Variants in PRDM2 observed in about 807,000 individuals in gnomAD.
The protein encoded by PRDM2 is PR domain zinc finger protein 2.
In PRDM2, 30 loss-of-function variants were observed where a neutral mutation model predicts 130.0. The ratio of observed to expected loss-of-function variants is 0.23; its 90% CI spans 0.17 to 0.31. The LOEUF (loss-of-function observed/expected upper bound fraction) is 0.31. PRDM2 is among the 10% of genes least tolerant of loss of function. The probability of loss-of-function intolerance (pLI) is 1.00; values close to 1 mark genes in which losing one functional copy is unlikely to be tolerated. For missense variants in PRDM2, 2,011 were observed against 2,108.4 expected, an observed-to-expected ratio of 0.95 and a Z score of 0.90; for synonymous variants, 871 against 782.4, an observed-to-expected ratio of 1.11 and a Z score of -1.89.
intron 6 of PRDM2, among the ~76,000 whole-genome samples, chr1:13,758,075 A>C (rs1644003218): frequency 2.0e-5 from 3 of 152,092 alleles, no homozygotes; most frequent in Non-Finnish European, 4.4e-5. Flanking sequence ...AAACTGCTTG[A>C]GTTTGTAGCC....
At chr1:13,818,607 G>A (rs1645297239) in intron 9 of PRDM2, among the ~76,000 whole-genome samples, 1 of 149,926 alleles carries the variant, frequency 6.7e-6, no homozygotes, top group African/African-American at 2.5e-5. Flanking sequence ...GGATGGTCTT[G>A]ATCTCCTGAC....
intron 1 of PRDM2, among the ~76,000 whole-genome samples, chr1:13,714,896 A>G (rs982951148): frequency 2.0e-5 from 3 of 152,238 alleles, no homozygotes; most frequent in African/African-American, 4.8e-5. Flanking sequence ...AGAGATTATT[A>G]TTTAGAAACA....
Position 13,803,273 on chromosome 1 carries a change from C to T in PRDM2, c.5037-13154C>T, listed in dbSNP as rs1645036654. ...TGGACAGGCACATTTCAGGGTTGAA[C>T]CGCACCAGGAGCCTGGCTTTGCCAT... On this transcript the variant is annotated intron_variant, in intron 8 of 9. Transcript: ENST00000311066. This position sits in a 1 kb window ranked among gnomAD's most constrained non-coding sequence, Gnocchi z 6.2. Among the ~76,000 whole-genome samples, 1 of 152,220 alleles carries T rather than the reference C, an allele frequency of 6.6e-6. No individual in the cohort carries two copies. Among genetic ancestry groups the T allele is most frequent in the South Asian group, 2.1e-4 (1 of 4,828 alleles).
chr1:13,748,736 G>A (rs1270058203), intron 5 of PRDM2, among the ~76,000 whole-genome samples: 1 of 152,170 alleles, frequency 6.6e-6, no homozygotes, highest in African/African-American at 2.4e-5. Context: ...GATACTTCCT[G>A]CTGTATTTAA....
chr1:13,793,322 G>A (rs965788424), intron 8 of PRDM2, among the ~76,000 whole-genome samples: 1 of 152,222 alleles, frequency 6.6e-6, no homozygotes, highest in Admixed American at 6.5e-5. Context: ...TGGCGCTGGT[G>A]ATGACAGTGG....
chr1:13,773,285 A>G (rs1644398125), intron 7 of PRDM2, 97 bp downstream of exon 7: 1 of 734,254 alleles, frequency 1.4e-6, no homozygotes, highest in East Asian at 3.3e-5. Context: ...AGAATCATTT[A>G]GGATCTTTAC....
chr1:13,767,497 G>T (rs1431519831), intron 6 of PRDM2, among the ~76,000 whole-genome samples: 3 of 150,768 alleles, frequency 2.0e-5, no homozygotes, highest in Non-Finnish European at 4.4e-5. Context: ...TAGATACGGG[G>T]GTCTCACTAT....
At chr1:13,727,565 T>G (rs1315087214) in intron 2 of PRDM2, among the ~76,000 whole-genome samples, 1 of 152,234 alleles carries the variant, frequency 6.6e-6, no homozygotes, top group African/African-American at 2.4e-5. Flanking sequence ...TTCCCCTCTT[T>G]TTTTTCATTC....
At chr1:13,800,612 C>T (rs766292602) in intron 8 of PRDM2, among the ~76,000 whole-genome samples, 1 of 152,142 alleles carries the variant, frequency 6.6e-6, no homozygotes, top group African/African-American at 2.4e-5. Flanking sequence ...GGGAGCCCAC[C>T]GGAGTTTTGG....
At position 13,782,056 on chromosome 1, in the gene PRDM2, G is replaced by T. The variant is rs1465017803; in HGVS notation, c.4261G>T (p.Ala1421Ser). Residue 1421 changes from alanine to serine, a missense_variant, in exon 8 of 10, where the codon GCA becomes TCA. This residue lies in a region of PRDM2 where 410 missense variants were observed against 395.9 expected (regional missense o/e 1.04). Coordinates refer to ENST00000311066, the MANE Select transcript of PRDM2 (RefSeq NM_001393986.1). The part of the protein sequence containing the change: ...KMSSNKLKLN[A>S]LKKKNQLVQK... ...GTCGTCGAATAAGCTCAAATTAAAT[G>T]CATTGAAGAAAAAAAATCAGCTAGT... 3.1e-6 allele frequency: 5 copies of T among 1,614,004 alleles called. No individual in the cohort carries two copies. The South Asian group carries it at 4.4e-5, about 14-fold the overall frequency.
rs776462292 is a variant in PRDM2, at chr1:13,780,683, C to T, written c.2888C>T (p.Pro963Leu). ...TPSLSSGQLP[P>L]LLIPTDPSSP... Reference sequence around the variant, plus strand: ...TCCCTTTCATCCGGTCAGCTGCCTCCTCTCTTGATCCCCACAGATCCCTCT... The same window carrying T: ...TCCCTTTCATCCGGTCAGCTGCCTCTTCTCTTGATCCCCACAGATCCCTCT... The change falls in exon 8 of 10, where the codon CCT becomes CTT. Residue 963 changes from proline (P) to leucine (L), a missense_variant. Around this residue, in one of 5 missense-constraint regions of PRDM2, gnomAD observed 1,288 missense variants for 1,237.7 expected, o/e 1.04. Transcript: ENST00000311066. 87 of 1,610,034 alleles carry T rather than the reference C, an allele frequency of 5.4e-5. No individual in the cohort carries two copies. Among genetic ancestry groups the T allele is most frequent in the Non-Finnish European group, 7.0e-5 (82 of 1,177,888 alleles).
chr1:13,720,940 C>A (rs997430611), intron 2 of PRDM2, among the ~76,000 whole-genome samples: 4 of 152,216 alleles, frequency 2.6e-5, no homozygotes, highest in Non-Finnish European at 5.9e-5. Context: ...AAGTTTCACA[C>A]CCGTGTAACT....
chr1:13,700,661 C>G (rs1360381264), intron 1 of PRDM2, among the ~76,000 whole-genome samples: 3 of 151,698 alleles, frequency 2.0e-5, no homozygotes, highest in African/African-American at 7.3e-5. Context: ...GTGGGGCCAC[C>G]TGGGGCCCCA....
At chr1:13,729,686 G>T (rs1322774663) in intron 2 of PRDM2, among the ~76,000 whole-genome samples, 1 of 152,104 alleles carries the variant, frequency 6.6e-6, no homozygotes, top group Non-Finnish European at 1.5e-5. Flanking sequence ...TTATGTTTTG[G>T]AAAATGTTTC....
chr1:13,812,558 A>C (rs1295154716), intron 8 of PRDM2, among the ~76,000 whole-genome samples: 1 of 152,192 alleles, frequency 6.6e-6, no homozygotes, highest in Non-Finnish European at 1.5e-5. Flanking sequence ...GGGCGGGAGC[A>C]AGGTGGGACC....
intron 8 of PRDM2, among the ~76,000 whole-genome samples, chr1:13,805,205 GT>G (rs1309553619): frequency 8.5e-5 from 13 of 152,266 alleles, no homozygotes; most frequent in East Asian, 1.9e-4. Context: ...ATGCGATGAT[GT>G]TTTTTTCCCC....
rs1164725155 is a variant in PRDM2, at chr1:13,782,079, A to G, written c.4284A>G (p.Leu1428=). 1 of 1,614,128 alleles carries G rather than the reference A, an allele frequency of 6.2e-7. No homozygotes were observed. The highest frequency in any genetic ancestry group is 8.5e-7 in the Non-Finnish European group (1 of 1,180,024). Reference sequence around the variant, plus strand: ...ATGCATTGAAGAAAAAAAATCAGCTAGTACAGAAAGCAATTCTTCAGAAAA... The same window carrying G: ...ATGCATTGAAGAAAAAAAATCAGCTGGTACAGAAAGCAATTCTTCAGAAAA... ...KLNALKKKNQ[L]VQKAILQKNK... is the part of the protein sequence containing the mutation. Residue 1428 remains leucine, a synonymous_variant, in exon 8 of 10, where the codon CTA becomes CTG. Transcript: ENST00000311066.
intron 8 of PRDM2, among the ~76,000 whole-genome samples, chr1:13,800,299 A>C (rs1002781578): frequency 1.3e-5 from 2 of 152,204 alleles, no homozygotes; most frequent in Middle Eastern, 3.2e-3. Context: ...AGACTTCTGG[A>C]GTGGAAATGG....
chr1:13,813,222 C>T (rs1392401528), intron 8 of PRDM2, among the ~76,000 whole-genome samples: 2 of 152,214 alleles, frequency 1.3e-5, no homozygotes, highest in African/African-American at 4.8e-5. Context: ...TCAGACAGGT[C>T]CATGACTCAC....
Sources: gnomAD v4.1 joint callset for allele counts (sites outside exome capture counted in the v4.1 genomes callset) on GRCh38, gnomAD v4.1.1 for gene constraint, gnomAD v4.1.1 regional missense constraint, Gnocchi (gnomAD v3.1) non-coding constraint, MANE v1.5 for transcripts, NCBI Gene and HGNC (gene_info 2026-07-23, HGNC 2026-07-21) for gene names.